PRKG1: variants seen among roughly 807,000 people sequenced by gnomAD.
The protein encoded by PRKG1 is cGMP-dependent protein kinase 1.
PRKG1 carries 35 observed loss-of-function variants against 88.1 expected under a neutral mutation model. The ratio of observed to expected loss-of-function variants is 0.40; its 90% confidence interval spans 0.30 to 0.53. The LOEUF (loss-of-function observed/expected upper bound fraction) is 0.53. Among genes scored for constraint, PRKG1 ranks in the 20% least tolerant of loss-of-function variants. The pLI, the probability that PRKG1 is intolerant of heterozygous loss-of-function variation, is 0.59. For missense variants in PRKG1, 540 were observed against 839.8 expected (o/e 0.64, Z 4.41); for synonymous variants, 303 against 292.5 (o/e 1.04, Z -0.37).
intron 9 of PRKG1, among the ~76,000 whole-genome samples, chr10:52,233,663 A>G (rs1161056945): frequency 3.1e-4 from 43 of 137,918 alleles, no homozygotes; most frequent in African/African-American, 9.7e-4. Context: ...GGAGGGTCCT[A>G]TGCCCACGGA....
At position 52,035,163 on chromosome 10, in the gene PRKG1, C is replaced by T. The variant is rs530027028; in HGVS notation, c.763-19321C>T. Among the ~76,000 whole-genome samples, 437 of 152,066 alleles carry T rather than the reference C, an allele frequency of 2.9e-3. 5 individuals carry two copies. Among genetic ancestry groups the T allele is most frequent in the African/African-American group, 9.8e-3 (406 of 41,432 alleles). On this transcript the variant is annotated intron_variant, in intron 5 of 17. Transcript: ENST00000373980. ...TCTGACAGAAGGGAAGAAATGACTG[C>T]GGTGGCCTTCTCAGACCCTGTAGGA...
intron 2 of PRKG1, among the ~76,000 whole-genome samples, chr10:51,466,952 T>G (rs80295225): frequency 0.011 from 1,735 of 152,222 alleles, 37 homozygotes; most frequent in African/African-American, 0.039. Context: ...CTATCTTGAT[T>G]GTGTTAGGCC....
chr10:52,184,382 A>T (rs887051577), intron 9 of PRKG1, among the ~76,000 whole-genome samples: 1 of 152,190 alleles, frequency 6.6e-6, no homozygotes, highest in African/African-American at 2.4e-5. Context: ...CCATATCATG[A>T]TATATTATTT....
intron 3 of PRKG1, among the ~76,000 whole-genome samples, chr10:51,775,684 A>G (rs1464466147): frequency 4.6e-5 from 7 of 152,004 alleles, no homozygotes; most frequent in African/African-American, 1.5e-4. Flanking sequence ...TCCCAGGTTC[A>G]AGCGATTCTC....
intron 9 of PRKG1, among the ~76,000 whole-genome samples, chr10:52,197,321 A>G (rs1839532833): frequency 6.6e-6 from 1 of 152,226 alleles, no homozygotes; most frequent in South Asian, 2.1e-4. Context: ...GCTGGATAAA[A>G]ATAAGTAAAC....
At chr10:51,730,215 G>A (rs1025437856) in intron 3 of PRKG1, among the ~76,000 whole-genome samples, 7 of 152,154 alleles carry the variant, frequency 4.6e-5, no homozygotes, top group African/African-American at 1.4e-4. Context: ...GCCCTCAGGC[G>A]AGGGCACAGA....
At chr10:52,195,878 A>G in intron 9 of PRKG1, among the ~76,000 whole-genome samples, 1 of 152,366 alleles carries the variant, frequency 6.6e-6, no homozygotes, top group East Asian at 1.9e-4. Flanking sequence ...GTTAAAATAT[A>G]TGAATTGGAT....
At chr10:51,682,570 T>G (rs576556311) in intron 3 of PRKG1, among the ~76,000 whole-genome samples, 95 of 152,280 alleles carry the variant, frequency 6.2e-4, no homozygotes, top group Admixed American at 4.6e-3. Context: ...TTTTTGTTTG[T>G]TTGGTTGGTT....
At chr10:52,070,736 C>A (rs11000694) in intron 7 of PRKG1, among the ~76,000 whole-genome samples, 26,157 of 152,104 alleles carry the variant, frequency 0.17, 2,842 homozygotes, top group South Asian at 0.28. Flanking sequence ...ATGGTCATGC[C>A]ATTCTCTACT....
intron 2 of PRKG1, among the ~76,000 whole-genome samples, chr10:51,233,409 G>T (rs375571369): frequency 3.9e-5 from 6 of 152,124 alleles, no homozygotes; most frequent in African/African-American, 1.4e-4. Context: ...TCTAAGGAAA[G>T]CCTCTAAATA....
At chr10:51,644,867 C>T (rs1839878981) in intron 3 of PRKG1, among the ~76,000 whole-genome samples, 1 of 152,108 alleles carries the variant, frequency 6.6e-6, no homozygotes, top group South Asian at 2.1e-4. Flanking sequence ...CTCACTGAAA[C>T]CTCTCTGCCT....
chr10:51,021,900 C>G (rs565811098), intron 1 of PRKG1, among the ~76,000 whole-genome samples: 1 of 152,042 alleles, frequency 6.6e-6, no homozygotes. Context: ...AGGCTGGTCT[C>G]GAACTCCTGA....
intron 3 of PRKG1, among the ~76,000 whole-genome samples, chr10:51,497,146 C>A (rs1450565166): frequency 6.6e-6 from 1 of 152,162 alleles, no homozygotes; most frequent in African/African-American, 2.4e-5. Flanking sequence ...ATTCACCTTT[C>A]TGAACTTTAG....
Position 52,288,762 on chromosome 10 carries a change from T to C in PRKG1, c.1746T>C (p.Tyr582=), listed in dbSNP as rs1207240213. ...PFSGPDPMKT[Y]NIILRGIDMI... ...CAGGCCCAGATCCTATGAAAACCTA[T>C]AACATCATATTGAGGGGGATTGACA... is the stretch of plus-strand genomic sequence containing the variant. The change falls in exon 15 of 18, where the codon TAT becomes TAC. Residue 582 remains tyrosine, a synonymous_variant. Transcript: ENST00000373980. 3.7e-6 allele frequency: 6 copies of C among 1,600,582 alleles called. No homozygotes were observed. The highest frequency in any genetic ancestry group is 2.7e-5 in the African/African-American group (2 of 73,852).
At chr10:52,115,208 C>T (rs375744950) in intron 7 of PRKG1, among the ~76,000 whole-genome samples, 1 of 151,974 alleles carries the variant, frequency 6.6e-6, no homozygotes, top group East Asian at 1.9e-4. Context: ...ACCCAAACAA[C>T]ATTGGCCATA....
At chr10:51,209,173 G>A (rs1393760571) in intron 2 of PRKG1, among the ~76,000 whole-genome samples, 4 of 151,578 alleles carry the variant, frequency 2.6e-5, no homozygotes, top group African/African-American at 9.8e-5. Context: ...GTTGGCAAAT[G>A]GACAAAAGCT....
rs1564547295 is a variant in PRKG1 at position 51,554,028 on chromosome 10, CGTGTATATATTATAT to C, written c.592+86196_592+86210del. Among the ~76,000 whole-genome samples, 120 of 62,280 alleles carry C rather than the reference CGTGTATATATTATAT, an allele frequency of 1.9e-3. 7 individuals are homozygous for C. Among genetic ancestry groups the C allele is most frequent in the Middle Eastern group, 8.1e-3 (1 of 124 alleles). The allele number at this position is 62,280 out of a possible 152,430, so 40.9% of individuals were successfully genotyped here. Reference sequence around the variant, plus strand: ...GCATATTATATGTGCGTATGTGATACGTGTATATATTATATGTGCGTATGTGATACGTGTATATAT... The same window carrying C: ...GCATATTATATGTGCGTATGTGATACGTGCGTATGTGATACGTGTATATAT... On this transcript the variant is annotated intron_variant, in intron 3 of 17. Coordinates refer to ENST00000373980, the MANE Select transcript of PRKG1 (RefSeq NM_006258.4).
chr10:52,018,297 A>T (rs1845095076), intron 5 of PRKG1, among the ~76,000 whole-genome samples: 3 of 151,140 alleles, frequency 2.0e-5, no homozygotes, highest in Non-Finnish European at 4.4e-5. Context: ...TTATAAAATA[A>T]AACTGTGTAC....
chr10:52,098,857 G>A (rs1035167870), intron 7 of PRKG1, among the ~76,000 whole-genome samples: 5 of 152,082 alleles, frequency 3.3e-5, no homozygotes, highest in Non-Finnish European at 7.3e-5. Context: ...AATGGTCTAA[G>A]TATCTAAATA....
Sources: allele counts gnomAD v4.1 joint callset (sites outside exome capture counted in the v4.1 genomes callset), GRCh38; gene constraint gnomAD v4.1.1; transcripts MANE v1.5; gene names NCBI Gene and HGNC (gene_info 2026-07-23, HGNC 2026-07-21).